STAT3: variants seen among roughly 807,000 people sequenced by gnomAD.
The protein encoded by STAT3 is signal transducer and activator of transcription 3, also known as DNA-binding protein APRF.
A neutral mutation model predicts 114.3 loss-of-function variants in STAT3; 7 were observed. The ratio of observed to expected loss-of-function variants is 0.06; its 90% CI spans 0.03 to 0.11. STAT3 has a LOEUF of 0.11. Ranked by LOEUF, STAT3 falls within the 10% of genes least tolerant of loss-of-function variation. STAT3 has a pLI of 1.00. For missense variants in STAT3, 364 were observed against 960.9 expected, an observed-to-expected ratio of 0.38 and a Z score of 8.21; for synonymous variants, 331 against 354.5, an observed-to-expected ratio of 0.93 and a Z score of 0.74.
chr17:42,331,399 C>A, intron 11 of STAT3, 73 bp downstream of exon 11: 2 of 1,345,542 alleles, frequency 1.5e-6, no homozygotes, highest in South Asian at 2.5e-5. Flanking sequence ...GTCTCTAGTT[C>A]AAATGATGTC....
intron 21 of STAT3, 179 bp from the exon 22 acceptor site, chr17:42,317,403 C>T (rs2081294571): frequency 1.4e-6 from 1 of 697,462 alleles, no homozygotes; most frequent in African/African-American, 1.8e-5. Context: ...ACTATTTGAT[C>T]TCCCAGGCAC....
At chr17:42,318,823 A>G (rs966474886) in intron 21 of STAT3, among the ~76,000 whole-genome samples, 2 of 152,220 alleles carry the variant, frequency 1.3e-5, no homozygotes, top group Non-Finnish European at 2.9e-5. Flanking sequence ...AAACTGATCA[A>G]TTCAGTGCAG....
chr17:42,323,194 C>G lies in STAT3; in HGVS notation c.1749-51G>C, dbSNP rs530698170. 1.9e-6 allele frequency: 3 copies of G among 1,614,178 alleles called. No homozygotes were observed. In the East Asian group the frequency reaches 6.7e-5, roughly 36 times the overall value. On this transcript the variant is annotated intron_variant, in intron 19 of 23. Coordinates refer to ENST00000264657, the MANE Select transcript of STAT3 (RefSeq NM_139276.3). ...TTGTTATTGCTAACAGGGCATCCAT[C>G]CCCTGCCACTGGCTTGCTGAGAGCA...
intron 1 of STAT3, among the ~76,000 whole-genome samples, chr17:42,350,887 C>T (rs2082914287): frequency 6.6e-6 from 1 of 152,126 alleles, no homozygotes; most frequent in African/African-American, 2.4e-5. Context: ...AATCCCAGAA[C>T]TTTGGGAGGC....
chr17:42,326,769 G>A lies in STAT3; in HGVS notation c.1282-570C>T, dbSNP rs540465734. Among the ~76,000 whole-genome samples the A allele has an allele frequency of 5.1e-3, 780 of 151,606 alleles. 9 individuals are homozygous for A. Among genetic ancestry groups the A allele is most frequent in the African/African-American group, 0.018 (761 of 41,306 alleles). On this transcript the variant is annotated intron_variant, in intron 14 of 23. Transcript: ENST00000264657. ...CAGGAGGCAGAGGATGCAGTGAGCCGAGATCACGCCACTGCACTCCAGCCT... is the reference window on the plus strand; with the variant it reads ...CAGGAGGCAGAGGATGCAGTGAGCCAAGATCACGCCACTGCACTCCAGCCT...
chr17:42,363,616 T>G (rs1181964801), intron 1 of STAT3, among the ~76,000 whole-genome samples: 1 of 137,706 alleles, frequency 7.3e-6, no homozygotes, highest in Admixed American at 7.3e-5. Context: ...GATAATTTTC[T>G]TTTTTTTTTT....
rs2083459629 is a variant in STAT3, at chr17:42,360,503, C to T, written c.-23-11964G>A. On this transcript the variant is annotated intron_variant, in intron 1 of 23. Coordinates refer to ENST00000264657, the MANE Select transcript of STAT3 (RefSeq NM_139276.3). The stretch of plus-strand genomic sequence containing the variant: ...CTACTAAAAATACAGAATTAGCTGG[C>T]CATGGTGGCACATGCCTGTAATCCC... 2.0e-5 allele frequency among the ~76,000 whole-genome samples: 3 copies of T among 151,790 alleles called. No homozygotes were observed. The South Asian group carries it at 6.2e-4, about 31-fold the overall frequency.
chr17:42,334,084 A>G (rs1248298066), intron 8 of STAT3, 35 bp from the exon 9 acceptor site: 1 of 1,613,022 alleles, frequency 6.2e-7, no homozygotes, highest in Admixed American at 1.7e-5. Context: ...TAATTACCAA[A>G]GTGAATGTAT....
rs144380556 is a variant in STAT3 at position 42,353,135 on chromosome 17, G to A, written c.-23-4596C>T. Reference sequence around the variant, plus strand: ...GGCCAAAGCATGTGGATCACCCGAGGTCAGGAGTTTGAGACCAGACTGGCC... The same window carrying A: ...GGCCAAAGCATGTGGATCACCCGAGATCAGGAGTTTGAGACCAGACTGGCC... On this transcript the variant is annotated intron_variant, in intron 1 of 23. Transcript: ENST00000264657. Among the ~76,000 whole-genome samples the A allele has an allele frequency of 1.9e-3, 295 of 152,214 alleles. 1 individual carries two copies. The highest frequency in any genetic ancestry group is 6.9e-3 in the African/African-American group (285 of 41,548).
intron 2 of STAT3, 24 bp downstream of exon 2, chr17:42,348,365 G>A (rs776831697): frequency 1.2e-6 from 2 of 1,613,756 alleles, no homozygotes; most frequent in Admixed American, 1.7e-5. Flanking sequence ...TAACAATTTG[G>A]AGAGTCACTT....
chr17:42,316,035 C>T, intron 23 of STAT3: 4 of 1,420,932 alleles, frequency 2.8e-6, no homozygotes, highest in South Asian at 3.0e-5. Flanking sequence ...TCCATGTTTA[C>T]AGAAGCTCTA....
intron 8 of STAT3, 84 bp from the exon 9 acceptor site, chr17:42,334,133 A>G: frequency 6.7e-7 from 1 of 1,491,724 alleles, no homozygotes; most frequent in East Asian, 2.3e-5. Context: ...TACTGAAGAC[A>G]TGGAGACCAC....
intron 1 of STAT3, among the ~76,000 whole-genome samples, chr17:42,383,604 G>A (rs557859752): frequency 7.9e-5 from 12 of 152,272 alleles, no homozygotes; most frequent in Non-Finnish European, 1.8e-4. Context: ...TTACGCTTAC[G>A]TCTTGTAAGC....
chr17:42,325,018 A>G lies in STAT3; in HGVS notation c.1409T>C (p.Met470Thr). 6.2e-7 allele frequency: 1 copy of G among 1,614,116 alleles called. No individual in the cohort carries two copies. Among genetic ancestry groups the G allele is most frequent in the Non-Finnish European group, 8.5e-7 (1 of 1,179,988 alleles). Reference sequence around the variant, plus strand: ...CAGGATGGACGCCCAGGCATTTGGCATCTGACAGATGTTGGAGATCACCAC... The same window carrying G: ...CAGGATGGACGCCCAGGCATTTGGCGTCTGACAGATGTTGGAGATCACCAC... The part of the protein sequence containing the change: ...PVVVISNICQ[M>T]PNAWASILWY... The change falls in exon 16 of 24, where the codon ATG becomes ACG. Residue 470 changes from methionine (M) to threonine (T), a missense_variant. This residue lies in a region of STAT3 where 294 missense variants were observed against 745.1 expected (regional missense o/e 0.39). Transcript: ENST00000264657.
At chr17:42,359,615 ATAGCTATGATT>A (rs1223474478) in intron 1 of STAT3, among the ~76,000 whole-genome samples, 2 of 152,248 alleles carry the variant, frequency 1.3e-5, no homozygotes, top group African/African-American at 4.8e-5. Context: ...AGTAATGATT[ATAGCTATGATT>A]TATATAGCAC....
chr17:42,364,218 A>T (rs1166412426), intron 1 of STAT3, among the ~76,000 whole-genome samples: 1 of 152,172 alleles, frequency 6.6e-6, no homozygotes, highest in African/African-American at 2.4e-5. Flanking sequence ...TGCATCCTGA[A>T]AGATCAGCCT....
intron 15 of STAT3, among the ~76,000 whole-genome samples, chr17:42,325,649 C>T (rs945968262): frequency 2.6e-5 from 4 of 151,900 alleles, no homozygotes; most frequent in African/African-American, 9.7e-5. Context: ...ACTGCAACCT[C>T]TGCCTCCCAG....
At chr17:42,377,322 G>A (rs2084525011) in intron 1 of STAT3, among the ~76,000 whole-genome samples, 1 of 152,080 alleles carries the variant, frequency 6.6e-6, no homozygotes, top group Non-Finnish European at 1.5e-5. Flanking sequence ...GGGTTCAAGT[G>A]ATTCTCCCAC....
At chr17:42,384,124 A>ATTT (rs1202429954) in intron 1 of STAT3, among the ~76,000 whole-genome samples, 3 of 82,058 alleles carry the variant, frequency 3.7e-5, no homozygotes, top group African/African-American at 3.4e-5. Flanking sequence ...TTATTTATTT[A>ATTT]TTTATTTATT....
Sources: allele counts gnomAD v4.1 joint callset (sites outside exome capture counted in the v4.1 genomes callset), GRCh38; gene constraint gnomAD v4.1.1; regional missense constraint gnomAD v4.1.1; transcripts MANE v1.5; gene names NCBI Gene and HGNC (gene_info 2026-07-23, HGNC 2026-07-21).